The following SORCS1 variants were observed in gnomAD, a reference collection of about 807,000 sequenced individuals.
SORCS1 encodes the protein VPS10 domain-containing receptor SorCS1.
In SORCS1, 60 loss-of-function variants were observed where a neutral mutation model predicts 146.1. The ratio of observed to expected loss-of-function variants is 0.41; its 90% CI spans 0.33 to 0.51. The LOEUF is 0.51. Among genes scored for constraint, SORCS1 ranks in the 20% least tolerant of loss-of-function variants. The pLI is 0.21. For missense variants in SORCS1, 1,352 were observed against 1,487.6 expected (o/e 0.91, Z 1.50); for synonymous variants, 637 against 584.0 (o/e 1.09, Z -1.31).
At chr10:106,678,319 C>A (rs1261191374) in intron 12 of SORCS1, among the ~76,000 whole-genome samples, 1 of 152,130 alleles carries the variant, frequency 6.6e-6, no homozygotes, top group Non-Finnish European at 1.5e-5. Flanking sequence ...TTCTACATAC[C>A]TCCAAGATCA....
chr10:106,913,689 A>G (rs1392254265), intron 2 of SORCS1, among the ~76,000 whole-genome samples: 2 of 152,214 alleles, frequency 1.3e-5, no homozygotes, highest in African/African-American at 4.8e-5. Context: ...CGCATGCAAA[A>G]TGGAGTACTA....
At chr10:107,108,565 C>A (rs1965465952) in intron 1 of SORCS1, among the ~76,000 whole-genome samples, 1 of 152,156 alleles carries the variant, frequency 6.6e-6, no homozygotes, top group African/African-American at 2.4e-5. Context: ...ATACCTCCCA[C>A]CAGGCCCCAC....
chr10:106,980,476 C>T (rs897842323), intron 1 of SORCS1, among the ~76,000 whole-genome samples: 1 of 152,126 alleles, frequency 6.6e-6, no homozygotes, highest in Non-Finnish European at 1.5e-5. Context: ...ATTCTCAGTC[C>T]CTGCCTGTTT....
intron 2 of SORCS1, among the ~76,000 whole-genome samples, chr10:106,870,333 C>T (rs1271829106): frequency 6.6e-6 from 1 of 152,042 alleles, no homozygotes; most frequent in Non-Finnish European, 1.5e-5. Context: ...ATAGAAAAAA[C>T]TATTTTAAAA....
chr10:106,707,086 T>C (rs1050390704), intron 7 of SORCS1, among the ~76,000 whole-genome samples: 3 of 152,050 alleles, frequency 2.0e-5, no homozygotes, highest in Non-Finnish European at 2.9e-5. Flanking sequence ...GTTACACTGA[T>C]GATTATGGGC....
At chr10:107,097,324 A>C (rs939655061) in intron 1 of SORCS1, among the ~76,000 whole-genome samples, 3 of 152,184 alleles carry the variant, frequency 2.0e-5, no homozygotes, top group African/African-American at 4.8e-5. Flanking sequence ...TAAGCAAATT[A>C]TTTATTTATT....
chr10:107,085,648 T>G (rs1963698384), intron 1 of SORCS1, among the ~76,000 whole-genome samples: 1 of 152,064 alleles, frequency 6.6e-6, no homozygotes, highest in East Asian at 1.9e-4. Context: ...GTGAAACAAG[T>G]TCCTGAGAGC....
intron 2 of SORCS1, among the ~76,000 whole-genome samples, chr10:106,893,480 C>A (rs1373724442): frequency 1.3e-5 from 2 of 152,078 alleles, no homozygotes; most frequent in African/African-American, 4.8e-5. Context: ...CTGCACCTAG[C>A]ACAATGCCTG....
chr10:106,741,696 T>C (rs1405505235), intron 5 of SORCS1, among the ~76,000 whole-genome samples: 1 of 152,052 alleles, frequency 6.6e-6, no homozygotes, highest in Non-Finnish European at 1.5e-5. Context: ...GTTAAGTGTA[T>C]TGGCATACAT....
At chr10:107,154,282 C>A (rs529932308) in intron 1 of SORCS1, among the ~76,000 whole-genome samples, 28 of 152,014 alleles carry the variant, frequency 1.8e-4, no homozygotes, top group Non-Finnish European at 3.1e-4. Flanking sequence ...GGATTACAGG[C>A]GTGAGCCACC....
rs139589701 is a variant in SORCS1, at chr10:107,133,378, G to GA, written c.558+30590dup. On this transcript the variant is annotated intron_variant, in intron 1 of 25. Coordinates refer to ENST00000263054, the MANE Select transcript of SORCS1 (RefSeq NM_052918.5). ...TCAAGACAACTGCATTCCTTCTGCA[G>GA]AAAAAACTTCCCTTACTTAGATAAG... is the stretch of plus-strand genomic sequence containing the variant. Among the ~76,000 whole-genome samples the GA allele has an allele frequency of 3.5e-3, 530 of 152,166 alleles. 2 individuals carry two copies. Among genetic ancestry groups the GA allele is most frequent in the African/African-American group, 0.012 (512 of 41,514 alleles).
chr10:106,980,306 T>C (rs552070401), intron 1 of SORCS1, among the ~76,000 whole-genome samples: 2 of 152,266 alleles, frequency 1.3e-5, no homozygotes, highest in Middle Eastern at 6.8e-3. Flanking sequence ...CAAAGCTACA[T>C]AAAGGAATTA....
chr10:107,086,413 T>C (rs1157382365), intron 1 of SORCS1, among the ~76,000 whole-genome samples: 1 of 152,210 alleles, frequency 6.6e-6, no homozygotes, highest in Non-Finnish European at 1.5e-5. Context: ...GCTTAAAATA[T>C]TGAGATATCC....
At chr10:107,097,611 A>T (rs376545083) in intron 1 of SORCS1, among the ~76,000 whole-genome samples, 1 of 152,074 alleles carries the variant, frequency 6.6e-6, no homozygotes, top group African/African-American at 2.4e-5. Context: ...GCCAGGCCAC[A>T]CATTAGCAGA....
At chr10:107,105,205 A>G (rs370946265) in intron 1 of SORCS1, among the ~76,000 whole-genome samples, 5 of 152,318 alleles carry the variant, frequency 3.3e-5, no homozygotes, top group African/African-American at 2.4e-5. Flanking sequence ...TGTGGCTCCA[A>G]TGAACTGTCT....
intron 1 of SORCS1, among the ~76,000 whole-genome samples, chr10:106,966,808 G>A (rs1313601138): frequency 6.6e-6 from 1 of 152,182 alleles, no homozygotes; most frequent in Non-Finnish European, 1.5e-5. Flanking sequence ...GCTGCCATGT[G>A]AGAAATACTG....
At chr10:106,942,740 C>T (rs913751750) in intron 2 of SORCS1, among the ~76,000 whole-genome samples, 9 of 152,114 alleles carry the variant, frequency 5.9e-5, no homozygotes, top group Non-Finnish European at 1.0e-4. Flanking sequence ...TGATCTACTA[C>T]GACTGGATAA....
chr10:107,123,628 G>C (rs1051550651), intron 1 of SORCS1, among the ~76,000 whole-genome samples: 1 of 152,190 alleles, frequency 6.6e-6, no homozygotes, highest in African/African-American at 2.4e-5. Context: ...AACTCAAAAT[G>C]TAAGGATTTT....
chr10:106,612,888 C>T (rs1228585208), intron 21 of SORCS1, among the ~76,000 whole-genome samples: 3 of 152,076 alleles, frequency 2.0e-5, no homozygotes, highest in African/African-American at 7.2e-5. Context: ...TCTTTGCACA[C>T]ACCGTTCTTC....
Sources: allele counts gnomAD v4.1 joint callset (sites outside exome capture counted in the v4.1 genomes callset), GRCh38; gene constraint gnomAD v4.1.1; transcripts MANE v1.5; gene names NCBI Gene and HGNC (gene_info 2026-07-23, HGNC 2026-07-21).